The following SLC47A1 variants were observed in gnomAD, a reference collection of about 807,000 sequenced individuals.
The protein encoded by SLC47A1 is multidrug and toxin extrusion protein 1.
SLC47A1 carries 58 observed loss-of-function variants against 65.8 expected under a neutral mutation model. That is an observed-to-expected ratio of 0.88 (90% CI 0.71 to 1.10). The LOEUF is 1.10. SLC47A1 is among the 50% of genes least tolerant of loss of function. SLC47A1 has a pLI of 0.00. For missense variants in SLC47A1, 706 were observed against 719.2 expected (o/e 0.98, Z 0.21); for synonymous variants, 285 against 295.0 (o/e 0.97, Z 0.35).
intron 1 of SLC47A1, chr17:19,534,367 C>T (rs1211799317): frequency 1.1e-5 from 4 of 351,304 alleles, no homozygotes; most frequent in Non-Finnish European, 2.1e-5. Context: ...GCCTCCTGCG[C>T]CAGGAGACAC....
chr17:19,548,098 C>A lies in SLC47A1; in HGVS notation c.420C>A (p.Ile140=). 6.2e-7 allele frequency: 1 copy of A among 1,613,974 alleles called. No homozygotes were observed. The highest frequency in any genetic ancestry group is 2.2e-5 in the East Asian group (1 of 44,876). ...CWALFLNTQH[I]LLLFRQDPDV... Reference sequence around the variant, plus strand: ...CGCTCTTTCTCAACACCCAGCACATCCTGCTGCTCTTCAGGCAGGACCCAG... The same window carrying A: ...CGCTCTTTCTCAACACCCAGCACATACTGCTGCTCTTCAGGCAGGACCCAG... Residue 140 remains isoleucine, a synonymous_variant, in exon 4 of 17, where the codon ATC becomes ATA. Coordinates refer to ENST00000270570, the MANE Select transcript of SLC47A1 (RefSeq NM_018242.3).
chr17:19,567,724 G>T (rs2084371037), intron 14 of SLC47A1: 1 of 158,366 alleles, frequency 6.3e-6, no homozygotes, highest in South Asian at 1.9e-4. Context: ...TCCTAGAGCA[G>T]TGCCCCATGT....
intron 6 of SLC47A1, 151 bp downstream of exon 6, chr17:19,551,619 G>A: frequency 1.4e-6 from 1 of 701,392 alleles, no homozygotes; most frequent in Non-Finnish European, 2.5e-6. Context: ...TCAGTGTTGT[G>A]CACACAGAAC....
At chr17:19,556,679 C>A (rs766933308) in intron 10 of SLC47A1, among the ~76,000 whole-genome samples, 9 of 151,808 alleles carry the variant, frequency 5.9e-5, no homozygotes, top group Admixed American at 2.6e-4. Context: ...CTGCCTCAGC[C>A]TCCCAAGTAG....
At chr17:19,542,519 T>G (rs368070813) in intron 2 of SLC47A1, 25 bp downstream of exon 2, 1 of 1,566,260 alleles carries the variant, frequency 6.4e-7, no homozygotes, top group Non-Finnish European at 8.7e-7. Flanking sequence ...TCTGGCAGGT[T>G]TACCAACACT....
chr17:19,548,158 G>A lies in SLC47A1; in HGVS notation c.455+25G>A. ...GGTAAGATGGAACCTGTCGCAGCGG[G>A]ACTTGGCGTCCATCCCACGGAAAGA... is the stretch of plus-strand genomic sequence containing the variant. On this transcript the variant is annotated intron_variant, in intron 4 of 16. Transcript: ENST00000270570. The A allele has an allele frequency of 1.9e-6, 3 of 1,598,242 alleles. No homozygotes were observed. The African/African-American group carries it at 4.0e-5, about 21-fold the overall frequency.
chr17:19,535,115 C>T (rs148150674), intron 1 of SLC47A1: 1 of 152,318 alleles, frequency 6.6e-6, no homozygotes, highest in Non-Finnish European at 1.5e-5. Context: ...ATCCATCAGC[C>T]ATGCTTTCTC....
intron 1 of SLC47A1, among the ~76,000 whole-genome samples, chr17:19,540,878 C>CACA (rs879334096): frequency 8.3e-4 from 105 of 127,178 alleles, no homozygotes; most frequent in South Asian, 1.9e-3. Context: ...ACACACACAC[C>CACA]CCTAGGGTTA....
At chr17:19,577,191 T>C in intron 16 of SLC47A1, 136 bp from the exon 17 acceptor site, 1 of 1,250,408 alleles carries the variant, frequency 8.0e-7, no homozygotes, top group Non-Finnish European at 1.1e-6. Flanking sequence ...AGATTTCTTT[T>C]ATTTATTCAC....
At chr17:19,539,264 A>G (rs1369655067) in intron 1 of SLC47A1, among the ~76,000 whole-genome samples, 1 of 152,160 alleles carries the variant, frequency 6.6e-6, no homozygotes, top group Non-Finnish European at 1.5e-5. Flanking sequence ...CTGCCAGTTC[A>G]GGCTGTTCTT....
chr17:19,554,130 G>C (rs1597501226), intron 6 of SLC47A1, among the ~76,000 whole-genome samples: 1 of 152,186 alleles, frequency 6.6e-6, no homozygotes, highest in East Asian at 1.9e-4. Flanking sequence ...GGATGCCTCA[G>C]CAAAGGAAGA....
In SLC47A1 at chr17:19,577,581, T is replaced by A. The variant is rs189455277; in HGVS notation, c.*28T>A. 3 of 1,612,982 alleles carry A rather than the reference T, an allele frequency of 1.9e-6. No homozygotes were observed. Among genetic ancestry groups the A allele is most frequent in the Non-Finnish European group, 2.5e-6 (3 of 1,179,490 alleles). Reference sequence around the variant, plus strand: ...TGGTAGGAAAGAAAGTCAGGTCAAGTGATGCTTTTGAGCTTACACACAATT... The same window carrying A: ...TGGTAGGAAAGAAAGTCAGGTCAAGAGATGCTTTTGAGCTTACACACAATT... On this transcript the variant is annotated 3_prime_UTR_variant, in exon 17 of 17. Transcript: ENST00000270570.
rs1597510063 is a variant in SLC47A1 at position 19,567,159 on chromosome 17, A to G, written c.1240A>G (p.Ile414Val). The change falls in exon 14 of 17, where the codon ATT (isoleucine) becomes GTT (valine). Residue 414 changes from isoleucine to valine, a missense_variant. Physicochemically the swap from Ile to Val is conservative, Grantham distance 29 (BLOSUM62 3). Coordinates refer to ENST00000270570, the MANE Select transcript of SLC47A1 (RefSeq NM_018242.3). ...GAAGGTTGGAGCCATTGTGAATACC[A>G]TTGGGTACTATGTGGTTGGCCTCCC... ...NQKVGAIVNT[I>V]GYYVVGLPIG... 1.9e-6 allele frequency: 3 copies of G among 1,614,196 alleles called. No homozygotes were observed. The East Asian group carries it at 6.7e-5, about 36-fold the overall frequency.
intron 1 of SLC47A1, among the ~76,000 whole-genome samples, chr17:19,540,548 G>T (rs771412398): frequency 6.6e-6 from 1 of 152,132 alleles, no homozygotes; most frequent in African/African-American, 2.4e-5. Context: ...TGTAAGGGTG[G>T]TGACAACGCC....
At chr17:19,571,593 C>A (rs774948704) in intron 15 of SLC47A1, 21 bp downstream of exon 15, 2 of 1,587,542 alleles carry the variant, frequency 1.3e-6, no homozygotes, top group African/African-American at 2.7e-5. Flanking sequence ...TCATTCTGTC[C>A]CGGTAAAGGT....
rs190264268 is a variant in SLC47A1, at chr17:19,565,939, G to A, written c.1107-851G>A. ...AAACAATTCATAAGTTTTCAATTGC[G>A]TGCGGTTATGAGTATTAGGAGGAAA... is the stretch of plus-strand genomic sequence containing the variant. On this transcript the variant is annotated intron_variant, in intron 12 of 16. Coordinates refer to ENST00000270570, the MANE Select transcript of SLC47A1 (RefSeq NM_018242.3). Among the ~76,000 whole-genome samples, 8 of 152,220 alleles carry A rather than the reference G, an allele frequency of 5.3e-5. No homozygotes were observed. In the East Asian group the frequency reaches 7.7e-4, roughly 15 times the overall value.
At chr17:19,548,277 C>CCTG in intron 4 of SLC47A1, 144 bp downstream of exon 4, 2 of 923,682 alleles carry the variant, frequency 2.2e-6, no homozygotes, top group Non-Finnish European at 3.1e-6. Context: ...GGTCTTAGTA[C>CCTG]TTTCCACACC....
rs1267927820 is a variant in SLC47A1 at position 19,574,693 on chromosome 17, C to T, written c.1486+1832C>T. Among the ~76,000 whole-genome samples, 4 of 152,024 alleles carry T rather than the reference C, an allele frequency of 2.6e-5. No individual in the cohort carries two copies. In the East Asian group the frequency reaches 5.8e-4, roughly 22 times the overall value. ...TCGCCCAGGCTGGAGTGCAGTGGCT[C>T]GTTTTCACTGCAACCTCTATCTCCC... On this transcript the variant is annotated intron_variant, in intron 16 of 16. Transcript: ENST00000270570.
chr17:19,568,119 T>G (rs994677132), intron 14 of SLC47A1: 1 of 152,242 alleles, frequency 6.6e-6, no homozygotes, highest in African/African-American at 2.4e-5. Context: ...AGTGACTGAC[T>G]TAAAGCGTGG....
Sources: allele counts gnomAD v4.1 joint callset (sites outside exome capture counted in the v4.1 genomes callset), GRCh38; gene constraint gnomAD v4.1.1; transcripts MANE v1.5; gene names NCBI Gene and HGNC (gene_info 2026-07-23, HGNC 2026-07-21).